MED13: variants seen among roughly 807,000 people sequenced by gnomAD.
MED13 encodes the protein mediator complex subunit 13.
A neutral mutation model predicts 225.2 loss-of-function variants in MED13; 23 were observed. The observed-to-expected ratio is 0.10, with a 90% CI of 0.07 to 0.14. The LOEUF (loss-of-function observed/expected upper bound fraction) is 0.14. Ranked by LOEUF, MED13 falls within the 10% of genes least tolerant of loss-of-function variation. The probability of loss-of-function intolerance (pLI) is 1.00; values close to 1 mark genes in which losing one functional copy is unlikely to be tolerated. For missense variants in MED13, 2,197 were observed against 2,594.5 expected (o/e 0.85, Z 3.33); for synonymous variants, 942 against 889.2 (o/e 1.06, Z -1.06).
chr17:61,952,606 GTTAA>G (rs1296099936), intron 27 of MED13, among the ~76,000 whole-genome samples: 4 of 152,176 alleles, frequency 2.6e-5, no homozygotes, highest in Admixed American at 1.3e-4. Flanking sequence ...TGAATGTACT[GTTAA>G]TTAATCTCAA....
At chr17:62,022,394 A>G (rs982027264) in intron 8 of MED13, among the ~76,000 whole-genome samples, 3 of 152,006 alleles carry the variant, frequency 2.0e-5, no homozygotes, top group African/African-American at 7.2e-5. Flanking sequence ...ACACCTATGG[A>G]AACAAACTGT....
At chr17:62,015,611 T>C (rs908563081) in intron 8 of MED13, among the ~76,000 whole-genome samples, 1 of 151,636 alleles carries the variant, frequency 6.6e-6, no homozygotes, top group South Asian at 2.1e-4. Context: ...TCTCGCTCTG[T>C]TGCCCAGGCT....
chr17:61,982,648 G>C lies in MED13; in HGVS notation c.3355C>G (p.Gln1119Glu). ...VYIPDPTQEA[Q>E]YRCTCGFSAV... is the part of the protein sequence containing the mutation. ...CTGAAGCCACAGGTACACCTATATTGTGCTTCCTGCGTTGGATCTGGAATG... is the reference window on the plus strand; with the variant it reads ...CTGAAGCCACAGGTACACCTATATTCTGCTTCCTGCGTTGGATCTGGAATG... Residue 1119 changes from glutamine to glutamate, a missense_variant, in exon 16 of 30, where the codon CAA becomes GAA. Around this residue, in one of 12 missense-constraint regions of MED13, gnomAD observed 99 missense variants for 158.5 expected, o/e 0.62. Transcript: ENST00000397786. 1 of 1,614,072 alleles carries C rather than the reference G, an allele frequency of 6.2e-7. No individual in the cohort carries two copies. Among genetic ancestry groups the C allele is most frequent in the Admixed American group, 1.7e-5 (1 of 60,010 alleles).
chr17:61,973,925 G>A (rs184185554), intron 16 of MED13, among the ~76,000 whole-genome samples: 3 of 152,252 alleles, frequency 2.0e-5, no homozygotes, highest in Non-Finnish European at 4.4e-5. Context: ...AGGGGTTGCA[G>A]TGAGCCGAGA....
chr17:62,008,317 C>CAAAAAAAAAAAAAAAA lies in MED13; in HGVS notation c.1967+2217_1967+2232dup, dbSNP rs766909961. Among the ~76,000 whole-genome samples the CAAAAAAAAAAAAAAAA allele has an allele frequency of 3.0e-4, 10 of 33,206 alleles. 1 individual carries two copies. The highest frequency in any genetic ancestry group is 5.4e-4 in the African/African-American group (5 of 9,326). The allele number at this position is 33,206 out of a possible 152,430, so 21.8% of individuals were successfully genotyped here. On this transcript the variant is annotated intron_variant, in intron 9 of 29. Coordinates refer to ENST00000397786, the MANE Select transcript of MED13 (RefSeq NM_005121.3). ...TGGGCCACAGAGCGAGGCTCTGTCT[C>CAAAAAAAAAAAAAAAA]AAAAAAAAAAAAAAAAAAAAAAAAA...
chr17:61,968,312 T>C (rs2080076813), intron 17 of MED13, 54 bp from the exon 18 acceptor site: 1 of 1,173,482 alleles, frequency 8.5e-7, no homozygotes, highest in Non-Finnish European at 1.2e-6. Context: ...ACATGTCTCC[T>C]TTTTATTTAT....
chr17:62,029,445 T>A, intron 8 of MED13, 96 bp downstream of exon 8: 2 of 859,632 alleles, frequency 2.3e-6, no homozygotes, highest in Admixed American at 2.8e-5. Flanking sequence ...TCCTGACATA[T>A]GTTCATGTAA....
chr17:61,970,810 G>T (rs1466763615), intron 17 of MED13, among the ~76,000 whole-genome samples: 1 of 149,018 alleles, frequency 6.7e-6, no homozygotes, highest in Non-Finnish European at 1.5e-5. Context: ...AGATCACTAG[G>T]GCCCAGGAGT....
chr17:62,048,351 G>A (rs1326284583), intron 3 of MED13, among the ~76,000 whole-genome samples: 1 of 134,478 alleles, frequency 7.4e-6, no homozygotes, highest in East Asian at 2.2e-4. Flanking sequence ...GTTGAAGTGA[G>A]CCAAGATTGC....
intron 9 of MED13, among the ~76,000 whole-genome samples, chr17:62,003,254 G>A (rs2080412940): frequency 6.6e-6 from 1 of 152,040 alleles, no homozygotes; most frequent in African/African-American, 2.4e-5. Context: ...TTCACCTTCT[G>A]GATATTTACC....
At chr17:62,039,834 G>A (rs977612951) in intron 3 of MED13, among the ~76,000 whole-genome samples, 1 of 151,964 alleles carries the variant, frequency 6.6e-6, no homozygotes, top group Non-Finnish European at 1.5e-5. Flanking sequence ...CCTAACCTCA[G>A]GTGATCCGCC....
Position 61,961,088 on chromosome 17 carries a change from T to C in MED13, c.5259A>G (p.Arg1753=), listed in dbSNP as rs78161598. ...AMETALRSPD[R]PECIRLYAPP... ...GTGCATAAAGTCGAATACACTCTGG[T>C]CTCTATAAAATAAAAAATTAAGGTA... The change falls in exon 23 of 30, where the codon AGA becomes AGG. Residue 1753 remains arginine, a splice_region_variant and synonymous_variant. Transcript: ENST00000397786. 1,102 of 1,608,980 alleles carry C rather than the reference T, an allele frequency of 6.8e-4. 7 individuals are homozygous for C. In the African/African-American group the frequency reaches 0.012, roughly 18 times the overall value.
At chr17:62,008,148 C>T (rs1166746595) in intron 9 of MED13, among the ~76,000 whole-genome samples, 2 of 150,026 alleles carry the variant, frequency 1.3e-5, no homozygotes, top group Admixed American at 6.7e-5. Context: ...AAACCCCCGT[C>T]TCTACTAAAA....
chr17:61,991,262 G>A (rs919065093), intron 11 of MED13, among the ~76,000 whole-genome samples: 1 of 151,914 alleles, frequency 6.6e-6, no homozygotes, highest in African/African-American at 2.4e-5. Context: ...GGGATTACAG[G>A]CACCTGGCAC....
At chr17:62,058,520 C>CAAAAAAAAAAAAAAAAAAA (rs751957495) in intron 2 of MED13, among the ~76,000 whole-genome samples, 13 of 53,274 alleles carry the variant, frequency 2.4e-4, no homozygotes, top group Admixed American at 4.1e-4. Flanking sequence ...GACTTCATCT[C>CAAAAAAAAAAAAAAAAAAA]AAAAAAAAAA....
At chr17:61,996,337 G>A (rs1241368421) in intron 9 of MED13, among the ~76,000 whole-genome samples, 1 of 152,148 alleles carries the variant, frequency 6.6e-6, no homozygotes, top group Non-Finnish European at 1.5e-5. Context: ...ACAAAGCTAA[G>A]GTTCTCAGGT....
At chr17:62,033,323 C>T (rs1319940230) in intron 5 of MED13, among the ~76,000 whole-genome samples, 1 of 152,160 alleles carries the variant, frequency 6.6e-6, no homozygotes, top group Admixed American at 6.5e-5. Flanking sequence ...CACAGGTTGT[C>T]AACTTTTCAG....
At chr17:62,023,467 TAG>T (rs1567985142) in intron 8 of MED13, among the ~76,000 whole-genome samples, 1 of 152,108 alleles carries the variant, frequency 6.6e-6, no homozygotes, top group Non-Finnish European at 1.5e-5. Context: ...ATCTGCTCAG[TAG>T]TAACTGGGAC....
intron 23 of MED13, among the ~76,000 whole-genome samples, chr17:61,958,086 G>A (rs1396282396): frequency 6.6e-6 from 1 of 151,576 alleles, no homozygotes; most frequent in Admixed American, 6.6e-5. Flanking sequence ...GGATGGTCTC[G>A]ATCTCCTGAC....
Sources: gnomAD v4.1 joint callset for allele counts (sites outside exome capture counted in the v4.1 genomes callset) on GRCh38, gnomAD v4.1.1 for gene constraint, gnomAD v4.1.1 regional missense constraint, MANE v1.5 for transcripts, NCBI Gene and HGNC (gene_info 2026-07-23, HGNC 2026-07-21) for gene names.